Variants in CHST5 observed in about 807,000 individuals in gnomAD.
The protein encoded by CHST5 is carbohydrate sulfotransferase 5, also known as GST4-alpha.
For missense variants in CHST5, 637 were observed against 602.1 expected (o/e 1.06, Z -0.61); for synonymous variants, 313 against 279.2 (o/e 1.12, Z -1.21).
At chr16:75,534,972 T>C (rs938669343) in intron 2 of CHST5, among the ~76,000 whole-genome samples, 155 bp downstream of exon 2, 3 of 152,136 alleles carry the variant, frequency 2.0e-5, no homozygotes, top group African/African-American at 7.2e-5. Context: ...GAGATGAACT[T>C]TCCACGTTGC....
intron 2 of CHST5, 48 bp downstream of exon 2, chr16:75,535,079 C>G (rs2080551888): frequency 6.6e-6 from 1 of 152,442 alleles, no homozygotes; most frequent in Non-Finnish European, 1.5e-5. Flanking sequence ...GCCCCCAGCC[C>G]AACCGAGTGT....
chr16:75,529,435 A>C lies in CHST5; in HGVS notation c.950T>G (p.Leu317Arg). The C allele has an allele frequency of 6.2e-7, 1 of 1,612,812 alleles. No individual in the cohort carries two copies. The highest frequency in any genetic ancestry group is 1.1e-5 in the South Asian group (1 of 91,082). The change falls in exon 4 of 4, where the codon CTC becomes CGC. Residue 317 changes from leucine (L) to arginine (R), a missense_variant. Physicochemically the swap from Leu to Arg is moderately radical, Grantham distance 102. Transcript: ENST00000336257. ...RALYAFTGLT[L>R]TPQLEAWIHN... ...GATCCAGGCCTCGAGCTGTGGCGTGAGGGTCAGGCCGGTGAAGGCGTAGAG... is the reference window on the plus strand; with the variant it reads ...GATCCAGGCCTCGAGCTGTGGCGTGCGGGTCAGGCCGGTGAAGGCGTAGAG...
chr16:75,533,247 C>G (rs2080538179), intron 2 of CHST5, 64 bp from the exon 3 acceptor site: 1 of 702,300 alleles, frequency 1.4e-6, no homozygotes, highest in Non-Finnish European at 2.6e-6. Flanking sequence ...TTAGGGAGAA[C>G]CAGTCAGCCA....
intron 2 of CHST5, 134 bp from the exon 3 acceptor site, chr16:75,533,317 A>G (rs2080538699): frequency 1.5e-6 from 1 of 683,168 alleles, no homozygotes; most frequent in Non-Finnish European, 2.7e-6. Context: ...AGTCCCTTGG[A>G]GGTAGAAATA....
chr16:75,530,934 G>A lies in CHST5; in HGVS notation c.-550C>T, dbSNP rs1017793349. On this transcript the variant is annotated 5_prime_UTR_variant, in exon 4 of 4. Transcript: ENST00000336257. ...ATTGGGGGGTTATTATAATGAAGATGGGGGAAGGGAACACGCAGTCATGCC... is the reference window on the plus strand; with the variant it reads ...ATTGGGGGGTTATTATAATGAAGATAGGGGAAGGGAACACGCAGTCATGCC... 8 of 1,003,100 alleles carry A rather than the reference G, an allele frequency of 8.0e-6. No individual in the cohort carries two copies. The highest frequency in any genetic ancestry group is 9.6e-6 in the Non-Finnish European group (8 of 832,184). The allele number at this position is 1,003,100 out of a possible 1,614,324, so 62.1% of individuals were successfully genotyped here.
At position 75,529,121 on chromosome 16, in the gene CHST5, T is replaced by C. The variant is rs959624447; in HGVS notation, c.*28A>G. 1 of 1,532,400 alleles carries C rather than the reference T, an allele frequency of 6.5e-7. No homozygotes were observed. Among genetic ancestry groups the C allele is most frequent in the African/African-American group, 1.4e-5 (1 of 72,694 alleles). The allele number at this position is 1,532,400 out of a possible 1,614,324, so 94.9% of individuals were successfully genotyped here. On this transcript the variant is annotated 3_prime_UTR_variant, in exon 4 of 4. Coordinates refer to ENST00000336257, the MANE Select transcript of CHST5 (RefSeq NM_024533.5). Reference sequence around the variant, plus strand: ...GCCTCCTGGGCCTGGCGACCACAGTTCGGGGCCTGCTCTAAGGCCCAGAGT... The same window carrying C: ...GCCTCCTGGGCCTGGCGACCACAGTCCGGGGCCTGCTCTAAGGCCCAGAGT...
intron 2 of CHST5, among the ~76,000 whole-genome samples, chr16:75,534,286 G>C (rs1045156399): frequency 3.3e-5 from 5 of 152,030 alleles, no homozygotes; most frequent in Non-Finnish European, 5.9e-5. Context: ...ACAGTGAGCC[G>C]AGATGGCACA....
At chr16:75,531,725 C>T in intron 3 of CHST5, 85 bp from the exon 4 acceptor site, 1 of 955,622 alleles carries the variant, frequency 1.0e-6, no homozygotes, top group Non-Finnish European at 1.5e-6. Flanking sequence ...GGGAACAGAG[C>T]TGTCCTGCCT....
intron 2 of CHST5, among the ~76,000 whole-genome samples, chr16:75,534,828 G>A (rs2080549947): frequency 6.6e-6 from 1 of 152,180 alleles, no homozygotes; most frequent in Non-Finnish European, 1.5e-5. Flanking sequence ...TTCATGGAGA[G>A]CTTTTGAAAG....
intron 3 of CHST5, among the ~76,000 whole-genome samples, chr16:75,532,152 GA>G (rs559068279): frequency 3.9e-4 from 59 of 152,248 alleles, no homozygotes; most frequent in African/African-American, 1.4e-3. Flanking sequence ...TACATCTGGA[GA>G]GAAAGAACCC....
Position 75,530,642 on chromosome 16 carries a change from A to T in CHST5, c.-258T>A. The T allele has an allele frequency of 7.4e-7, 1 of 1,347,354 alleles. No individual in the cohort carries two copies. Among genetic ancestry groups the T allele is most frequent in the Non-Finnish European group, 9.6e-7 (1 of 1,045,218 alleles). 83.5% of individuals were successfully genotyped at this position (1,347,354 alleles called of 1,614,324 possible). A position where few individuals can be genotyped will look rare whatever the true frequency, so the allele number is the denominator to read the frequency against. On this transcript the variant is annotated 5_prime_UTR_variant, in exon 4 of 4. Transcript: ENST00000336257. ...TACAGGCTATCTATCTGTAGAGAGAAATACTATGTTTCAAAGAGAACTCCT... is the reference window on the plus strand; with the variant it reads ...TACAGGCTATCTATCTGTAGAGAGATATACTATGTTTCAAAGAGAACTCCT...
In CHST5 at chr16:75,531,108, G is replaced by T. The variant is rs1037426454; in HGVS notation, c.-724C>A. On this transcript the variant is annotated 5_prime_UTR_variant, in exon 4 of 4. Transcript: ENST00000336257. The stretch of plus-strand genomic sequence containing the variant: ...GAGGCCGAGGCGGGCGGATCACGAG[G>T]TCAGGAGATCGAGACCATCCTGGCT... 1.1e-6 allele frequency: 1 copy of T among 919,182 alleles called. No homozygotes were observed. The highest frequency in any genetic ancestry group is 1.8e-5 in the African/African-American group (1 of 55,456). The allele number at this position is 919,182 out of a possible 1,614,324, so 56.9% of individuals were successfully genotyped here.
rs1362542985 is a variant in CHST5 at position 75,531,127 on chromosome 16, C to A, written c.-743G>T. 2.4e-6 allele frequency: 2 copies of A among 816,862 alleles called. No homozygotes were observed. Among genetic ancestry groups the A allele is most frequent in the Non-Finnish European group, 3.0e-6 (2 of 664,776 alleles). 50.6% of individuals were successfully genotyped at this position (816,862 alleles called of 1,614,324 possible). On this transcript the variant is annotated 5_prime_UTR_variant, in exon 4 of 4. Coordinates refer to ENST00000336257, the MANE Select transcript of CHST5 (RefSeq NM_024533.5). ...CACGAGGTCAGGAGATCGAGACCAT[C>A]CTGGCTAACACAGTGAGACCCCATC... is the stretch of plus-strand genomic sequence containing the variant.
chr16:75,531,335 A>AAACAAC lies in CHST5; in HGVS notation c.-957_-952dup. 9.8e-7 allele frequency: 1 copy of AAACAAC among 1,017,428 alleles called. No homozygotes were observed. Among genetic ancestry groups the AAACAAC allele is most frequent in the African/African-American group, 2.0e-5 (1 of 49,008 alleles). The allele number at this position is 1,017,428 out of a possible 1,614,324, so 63.0% of individuals were successfully genotyped here. On this transcript the variant is annotated 5_prime_UTR_variant, in exon 4 of 4. Transcript: ENST00000336257. Reference sequence around the variant, plus strand: ...GACTCCGTTTCAAAAAAAAAAAAAAAAACAACAAAAAAAAAACTTTTGTCA... The same window carrying AAACAAC: ...GACTCCGTTTCAAAAAAAAAAAAAAAAACAACAACAACAAAAAAAAAACTTTTGTCA...
At position 75,530,432 on chromosome 16, in the gene CHST5, T is replaced by C. The variant is rs2080508937; in HGVS notation, c.-48A>G. ...GTGCCCTCAGGGATCAGCCCTCAGA[T>C]TCGGCTACCCTACCCATTGGACTTC... On this transcript the variant is annotated 5_prime_UTR_variant, in exon 4 of 4. Coordinates refer to ENST00000336257, the MANE Select transcript of CHST5 (RefSeq NM_024533.5). 2 of 1,473,166 alleles carry C rather than the reference T, an allele frequency of 1.4e-6. No homozygotes were observed. Among genetic ancestry groups the C allele is most frequent in the Non-Finnish European group, 1.8e-6 (2 of 1,109,530 alleles). 91.3% of individuals were successfully genotyped at this position (1,473,166 alleles called of 1,614,324 possible). A position where few individuals can be genotyped will look rare whatever the true frequency, so the allele number is the denominator to read the frequency against.
At chr16:75,533,664 C>T (rs909531429) in intron 2 of CHST5, among the ~76,000 whole-genome samples, 23 of 152,258 alleles carry the variant, frequency 1.5e-4, no homozygotes, top group African/African-American at 4.8e-4. Context: ...GGATTACAGG[C>T]GTGAGCCATA....
rs184423601 is a variant in CHST5, at chr16:75,528,963, C to T, written c.*186G>A. On this transcript the variant is annotated 3_prime_UTR_variant, in exon 4 of 4. Coordinates refer to ENST00000336257, the MANE Select transcript of CHST5 (RefSeq NM_024533.5). ...GATGAGAAGGCAGCTCCAGAAGACT[C>T]AAAGGAAAACCGAGAATCAGGAGAG... 65 of 623,752 alleles carry T rather than the reference C, an allele frequency of 1.0e-4. No individual in the cohort carries two copies. Among genetic ancestry groups the T allele is most frequent in the Admixed American group, 4.2e-4 (12 of 28,824 alleles). The allele number at this position is 623,752 out of a possible 1,614,324, so 38.6% of individuals were successfully genotyped here.
At chr16:75,532,940 C>G in intron 3 of CHST5, 149 bp downstream of exon 3, 1 of 542,670 alleles carries the variant, frequency 1.8e-6, no homozygotes, top group Non-Finnish European at 3.3e-6. Flanking sequence ...CCTGGCACTT[C>G]TGATCCCAGG....
chr16:75,530,649 T>A lies in CHST5; in HGVS notation c.-265A>T. On this transcript the variant is annotated 5_prime_UTR_variant, in exon 4 of 4. Transcript: ENST00000336257. ...TATCTATCTGTAGAGAGAAATACTA[T>A]GTTTCAAAGAGAACTCCTGTCTTTT... 7.6e-7 allele frequency: 1 copy of A among 1,321,202 alleles called. No homozygotes were observed. Among genetic ancestry groups the A allele is most frequent in the Non-Finnish European group, 9.7e-7 (1 of 1,029,656 alleles). The allele number at this position is 1,321,202 out of a possible 1,614,324, so 81.8% of individuals were successfully genotyped here. A position where few individuals can be genotyped will look rare whatever the true frequency, so the allele number is the denominator to read the frequency against.
Sources: allele counts gnomAD v4.1 joint callset (sites outside exome capture counted in the v4.1 genomes callset), GRCh38; gene constraint gnomAD v4.1.1; transcripts MANE v1.5; gene names NCBI Gene and HGNC (gene_info 2026-07-23, HGNC 2026-07-21).